The following CYYR1 variants were observed in gnomAD, a reference collection of about 807,000 sequenced individuals.
The protein encoded by CYYR1 is cysteine and tyrosine-rich protein 1.
Under a neutral mutation model 15.2 loss-of-function variants are expected in CYYR1, and 14 were observed. The observed-to-expected ratio is 0.92, with a 90% CI of 0.61 to 1.44. CYYR1 has a LOEUF of 1.44. Among genes scored for constraint, CYYR1 ranks in the 40% most tolerant of loss-of-function variants. The probability of loss-of-function intolerance (pLI) is 0.00; values close to 1 mark genes in which losing one functional copy is unlikely to be tolerated. For missense variants in CYYR1, 228 were observed against 209.5 expected, an observed-to-expected ratio of 1.09 and a Z score of -0.54; for synonymous variants, 80 against 77.4, an observed-to-expected ratio of 1.03 and a Z score of -0.18.
At chr21:26,523,697 G>A (rs1421299451) in intron 2 of CYYR1, among the ~76,000 whole-genome samples, 1 of 151,980 alleles carries the variant, frequency 6.6e-6, no homozygotes. Flanking sequence ...TCATTTCTGG[G>A]ACCTTTTCAG....
intron 2 of CYYR1, among the ~76,000 whole-genome samples, chr21:26,563,373 A>G (rs1158474449): frequency 6.6e-6 from 1 of 152,076 alleles, no homozygotes; most frequent in Non-Finnish European, 1.5e-5. Context: ...GGAGTCCAAC[A>G]CCAGCCTGGA....
intron 2 of CYYR1, among the ~76,000 whole-genome samples, chr21:26,482,760 G>T (rs2065199627): frequency 6.6e-6 from 1 of 152,022 alleles, no homozygotes; most frequent in African/African-American, 2.4e-5. Context: ...ATTTGGAGCT[G>T]CTGTAAAGAA....
chr21:26,559,100 C>G, intron 2 of CYYR1, among the ~76,000 whole-genome samples: 1 of 152,104 alleles, frequency 6.6e-6, no homozygotes, highest in Admixed American at 6.6e-5. Context: ...TGTGAGAGCC[C>G]TTTTATCTTT....
chr21:26,537,499 T>C lies in CYYR1; in HGVS notation c.176+28767A>G, dbSNP rs1240071073. ...CCTTGGCTAGGCAGAAAGGGAGCTT[T>C]CATTCTTTATTGGTACTCAGTGATT... is the stretch of plus-strand genomic sequence containing the variant. On this transcript the variant is annotated intron_variant, in intron 2 of 3. Coordinates refer to ENST00000652641, the MANE Select transcript of CYYR1 (RefSeq NM_001320768.2). Among the ~76,000 whole-genome samples, 3 of 152,250 alleles carry C rather than the reference T, an allele frequency of 2.0e-5. No individual in the cohort carries two copies. In the East Asian group the frequency reaches 5.8e-4, roughly 29 times the overall value.
intron 1 of CYYR1, chr21:26,567,837 C>G (rs187144068): frequency 6.6e-6 from 1 of 152,230 alleles, no homozygotes; most frequent in East Asian, 1.9e-4. Flanking sequence ...TGATACTTTA[C>G]AAAGAGATGT....
At chr21:26,517,493 T>G (rs2065747436) in intron 2 of CYYR1, among the ~76,000 whole-genome samples, 1 of 152,168 alleles carries the variant, frequency 6.6e-6, no homozygotes, top group Non-Finnish European at 1.5e-5. Context: ...AAGACTCAGA[T>G]GGGGAATGGG....
At chr21:26,542,277 A>ATGTGTGTG (rs138562563) in intron 2 of CYYR1, among the ~76,000 whole-genome samples, 1 of 128,262 alleles carries the variant, frequency 7.8e-6, no homozygotes, top group Admixed American at 8.1e-5. Context: ...GAGAGAGAAT[A>ATGTGTGTG]TGTGTGTGTG....
At chr21:26,496,947 C>A (rs2065413049) in intron 2 of CYYR1, among the ~76,000 whole-genome samples, 1 of 151,950 alleles carries the variant, frequency 6.6e-6, no homozygotes, top group Admixed American at 6.6e-5. Flanking sequence ...TGTTTTTGGA[C>A]CATTAACATC....
chr21:26,504,908 T>C (rs753672914), intron 2 of CYYR1, among the ~76,000 whole-genome samples: 3 of 152,178 alleles, frequency 2.0e-5, no homozygotes, highest in Non-Finnish European at 2.9e-5. Flanking sequence ...GAACATGCAA[T>C]GTTTGTCTTT....
intron 1 of CYYR1, among the ~76,000 whole-genome samples, chr21:26,567,361 T>C (rs1226878725): frequency 6.6e-6 from 1 of 152,190 alleles, no homozygotes; most frequent in Non-Finnish European, 1.5e-5. Flanking sequence ...AACAGTACTA[T>C]GTGAAGGGGG....
chr21:26,483,519 A>G, intron 2 of CYYR1: 1 of 669,044 alleles, frequency 1.5e-6, no homozygotes, highest in East Asian at 1.4e-4. Flanking sequence ...CAGACCATAG[A>G]TCTTTTCCTT....
At chr21:26,518,829 G>A (rs568404696) in intron 2 of CYYR1, among the ~76,000 whole-genome samples, 85 of 152,258 alleles carry the variant, frequency 5.6e-4, no homozygotes, top group African/African-American at 2.0e-3. Context: ...GAAAAGGATG[G>A]GGCTCAGGAT....
At chr21:26,566,225 G>A in intron 2 of CYYR1, 41 bp downstream of exon 2, 2 of 1,411,774 alleles carry the variant, frequency 1.4e-6, no homozygotes, top group African/African-American at 2.8e-5. Flanking sequence ...AACTGGACAA[G>A]AGGAAGAGCA....
chr21:26,501,096 T>A (rs1392065091), intron 2 of CYYR1, among the ~76,000 whole-genome samples: 1 of 152,132 alleles, frequency 6.6e-6, no homozygotes, highest in African/African-American at 2.4e-5. Context: ...TCCCAGCACT[T>A]TGGGAGGCCA....
chr21:26,486,135 G>A lies in CYYR1; in HGVS notation c.177-5706C>T, dbSNP rs183029698. 4.7e-3 allele frequency among the ~76,000 whole-genome samples: 713 copies of A among 152,120 alleles called. 21 individuals carry two copies. The highest frequency in any genetic ancestry group is 0.036 in the Admixed American group (546 of 15,262). On this transcript the variant is annotated intron_variant, in intron 2 of 3. Coordinates refer to ENST00000652641, the MANE Select transcript of CYYR1 (RefSeq NM_001320768.2). Reference sequence around the variant, plus strand: ...GCCCATATTCTAATTGGATTGCTTGGTTATTTTACTGTTGAGTTTTTGAGA... The same window carrying A: ...GCCCATATTCTAATTGGATTGCTTGATTATTTTACTGTTGAGTTTTTGAGA...
chr21:26,544,186 T>G (rs1236504215), intron 2 of CYYR1, among the ~76,000 whole-genome samples: 1 of 152,192 alleles, frequency 6.6e-6, no homozygotes, highest in African/African-American at 2.4e-5. Context: ...TAAAGCTCAC[T>G]TCTACTAATC....
chr21:26,504,594 A>G (rs975917882), intron 2 of CYYR1, among the ~76,000 whole-genome samples: 6 of 152,224 alleles, frequency 3.9e-5, no homozygotes, highest in Non-Finnish European at 8.8e-5. Context: ...TGCAATGTGA[A>G]ATAAGTACAT....
At chr21:26,517,235 A>G (rs2065743504) in intron 2 of CYYR1, among the ~76,000 whole-genome samples, 1 of 152,036 alleles carries the variant, frequency 6.6e-6, no homozygotes, top group African/African-American at 2.4e-5. Flanking sequence ...TTATTGTGAA[A>G]GAAATAGGGC....
chr21:26,561,752 T>C (rs529076013), intron 2 of CYYR1, among the ~76,000 whole-genome samples: 2 of 152,332 alleles, frequency 1.3e-5, no homozygotes, highest in South Asian at 2.1e-4. Context: ...TTAAATGCGA[T>C]ATATTGTCAT....
Sources: gnomAD v4.1 joint callset for allele counts (sites outside exome capture counted in the v4.1 genomes callset) on GRCh38, gnomAD v4.1.1 for gene constraint, MANE v1.5 for transcripts, NCBI Gene and HGNC (gene_info 2026-07-23, HGNC 2026-07-21) for gene names.